The following PACS2 variants were observed in gnomAD, a reference collection of about 807,000 sequenced individuals.
The protein encoded by PACS2 is phosphofurin acidic cluster sorting protein 2, also known as PACS1-like protein.
PACS2 carries 36 observed loss-of-function variants against 113.0 expected under a neutral mutation model. That is an observed-to-expected ratio of 0.32 (90% CI 0.24 to 0.42). The LOEUF is 0.42. Ranked by LOEUF, PACS2 falls within the 10% of genes least tolerant of loss-of-function variation. PACS2 has a pLI of 1.00. For synonymous variants in PACS2, 589 were observed against 536.1 expected (o/e 1.10, Z -1.36); for missense variants, 1,015 against 1,239.5 (o/e 0.82, Z 2.72).
Position 105,380,941 on chromosome 14 carries a change from C to A in PACS2, c.1126-16C>A, listed in dbSNP as rs782427298. On this transcript the variant is annotated splice_polypyrimidine_tract_variant and intron_variant, in intron 11 of 24. Coordinates refer to ENST00000447393, the MANE Select transcript of PACS2 (RefSeq NM_001100913.3). Reference sequence around the variant, plus strand: ...TGGTTTCCACGGGAGGCTCCAGGCCCGTCTCTGCTCAGCAGGGTGTGCCAG... The same window carrying A: ...TGGTTTCCACGGGAGGCTCCAGGCCAGTCTCTGCTCAGCAGGGTGTGCCAG... 2 of 1,603,252 alleles carry A rather than the reference C, an allele frequency of 1.2e-6. No homozygotes were observed. Among genetic ancestry groups the A allele is most frequent in the South Asian group, 1.1e-5 (1 of 89,810 alleles).
intron 15 of PACS2, 138 bp downstream of exon 15, chr14:105,383,051 C>G (rs587612800): frequency 3.1e-6 from 2 of 639,826 alleles, no homozygotes; most frequent in Admixed American, 5.0e-5. Flanking sequence ...CTGACCCATG[C>G]GCTCTTCGCA....
chr14:105,387,280 C>T (rs1555413799), intron 19 of PACS2, among the ~76,000 whole-genome samples: 5 of 152,216 alleles, frequency 3.3e-5, no homozygotes, highest in Non-Finnish European at 4.4e-5. Context: ...GAGAGTCCCT[C>T]GTGAGGTGAC....
At chr14:105,341,897 G>A (rs1179947183) in intron 1 of PACS2, among the ~76,000 whole-genome samples, 3 of 152,194 alleles carry the variant, frequency 2.0e-5, no homozygotes, top group Non-Finnish European at 4.4e-5. Flanking sequence ...CCTTCTAAGT[G>A]TGCGGAGAGG....
intron 24 of PACS2, 145 bp downstream of exon 24, chr14:105,393,480 G>C (rs2081432013): frequency 5.7e-6 from 3 of 526,702 alleles, no homozygotes; most frequent in African/African-American, 2.0e-5. Flanking sequence ...ATTCGATGAA[G>C]CCCTCAGTGA....
chr14:105,347,989 A>C (rs1405206828), intron 1 of PACS2, among the ~76,000 whole-genome samples: 3 of 151,938 alleles, frequency 2.0e-5, no homozygotes, highest in African/African-American at 7.2e-5. Context: ...TCAGGACGGA[A>C]TGATGGAGGT....
At position 105,396,314 on chromosome 14, in the gene PACS2, G is replaced by C. The variant is rs2081526941; in HGVS notation, c.*1642G>C. 6.6e-6 allele frequency: 1 copy of C among 152,208 alleles called. No homozygotes were observed. Among genetic ancestry groups the C allele is most frequent in the Non-Finnish European group, 1.5e-5 (1 of 68,104 alleles). The allele number at this position is 152,208 out of a possible 1,614,324, so 9.4% of individuals were successfully genotyped here. ...GGGCACACCCCAGGGTGGGGGAGAG[G>C]GTAGGAAGGTCTCCCATTGAATCCT... On this transcript the variant is annotated 3_prime_UTR_variant, in exon 25 of 25. Transcript: ENST00000447393.
intron 8 of PACS2, among the ~76,000 whole-genome samples, chr14:105,373,755 T>A (rs918823912): frequency 1.4e-4 from 21 of 151,366 alleles, no homozygotes; most frequent in African/African-American, 5.1e-4. Flanking sequence ...GCCATTGCAC[T>A]CCACCTGGGC....
At chr14:105,368,049 T>A in intron 5 of PACS2, 25 bp from the exon 6 acceptor site, 1 of 1,527,122 alleles carries the variant, frequency 6.5e-7, no homozygotes, top group Non-Finnish European at 9.1e-7. Flanking sequence ...CACGGCACCC[T>A]CCCTTCTGTC....
rs1373444301 is a variant in PACS2, at chr14:105,397,125, G to C, written c.*2453G>C. ...TCTGCCCTGCACCCAGGAGCCCCAC[G>C]GTCCATCCCCCACACCATGCCCAGC... On this transcript the variant is annotated 3_prime_UTR_variant, in exon 25 of 25. Coordinates refer to ENST00000447393, the MANE Select transcript of PACS2 (RefSeq NM_001100913.3). The C allele has an allele frequency of 6.6e-6, 1 of 152,236 alleles. No homozygotes were observed. The highest frequency in any genetic ancestry group is 2.4e-5 in the African/African-American group (1 of 41,420). The allele number at this position is 152,236 out of a possible 1,614,324, so 9.4% of individuals were successfully genotyped here.
chr14:105,306,617 T>G (rs1225357689), intron 1 of PACS2, among the ~76,000 whole-genome samples: 1 of 151,732 alleles, frequency 6.6e-6, no homozygotes, highest in Non-Finnish European at 1.5e-5. Context: ...TTTTGGGGGT[T>G]TTTTTTGAGA....
rs587737829 is a variant in PACS2 at position 105,394,350 on chromosome 14, C to T, written c.2597-204C>T. 1.9e-5 allele frequency: 19 copies of T among 985,322 alleles called. No homozygotes were observed. In the South Asian group the frequency reaches 8.5e-4, roughly 44 times the overall value. 61.0% of individuals were successfully genotyped at this position (985,322 alleles called of 1,614,324 possible). A position where few individuals can be genotyped will look rare whatever the true frequency, so the allele number is the denominator to read the frequency against. On this transcript the variant is annotated intron_variant, in intron 24 of 24. Coordinates refer to ENST00000447393, the MANE Select transcript of PACS2 (RefSeq NM_001100913.3). The stretch of plus-strand genomic sequence containing the variant: ...CCCCCAGGGCTCTGAGTGTGGAGGG[C>T]AGGGGCAGGAATGGCGTCCCTCAGG...
chr14:105,373,932 A>C lies in PACS2; in HGVS notation c.802-2836A>C, dbSNP rs183591934. Among the ~76,000 whole-genome samples the C allele has an allele frequency of 2.0e-5, 3 of 152,260 alleles. No homozygotes were observed. In the East Asian group the frequency reaches 5.8e-4, roughly 29 times the overall value. On this transcript the variant is annotated intron_variant, in intron 8 of 24. Transcript: ENST00000447393. Reference sequence around the variant, plus strand: ...GCTTGAGGCTCAAGTGACCCGGATCACTTGAGGTCAGGAGATCGAAACCAG... The same window carrying C: ...GCTTGAGGCTCAAGTGACCCGGATCCCTTGAGGTCAGGAGATCGAAACCAG...
intron 8 of PACS2, 76 bp downstream of exon 8, chr14:105,369,976 T>C: frequency 7.9e-7 from 1 of 1,261,172 alleles, no homozygotes; most frequent in Non-Finnish European, 1.1e-6. Context: ...CTCTGGGGTC[T>C]GTCTCCGGGC....
intron 1 of PACS2, among the ~76,000 whole-genome samples, chr14:105,304,535 T>G (rs1409074370): frequency 6.6e-6 from 1 of 152,186 alleles, no homozygotes; most frequent in Admixed American, 6.5e-5. Context: ...AGGGTGAGGC[T>G]CTACTGGGCA....
chr14:105,349,699 C>A (rs781783468), intron 2 of PACS2, among the ~76,000 whole-genome samples: 1 of 152,268 alleles, frequency 6.6e-6, no homozygotes, highest in African/African-American at 2.4e-5. Flanking sequence ...CCCTTTTCCT[C>A]GCTGAACATG....
At chr14:105,313,640 T>A (rs2140724803), upstream of PACS2, among the ~76,000 whole-genome samples, 1 of 152,334 alleles carries the variant, frequency 6.6e-6, no homozygotes, top group Non-Finnish European at 1.5e-5. Context: ...GCAAGCCCCG[T>A]GGGCCAGGAA....
At chr14:105,304,739 A>C (rs1240388131) in intron 1 of PACS2, among the ~76,000 whole-genome samples, 1 of 152,266 alleles carries the variant, frequency 6.6e-6, no homozygotes, top group African/African-American at 2.4e-5. Flanking sequence ...AGGCCTCACA[A>C]TCATGGAGGA....
At chr14:105,313,403 A>G (rs1702344410), upstream of PACS2, among the ~76,000 whole-genome samples, 1 of 152,210 alleles carries the variant, frequency 6.6e-6, no homozygotes, top group South Asian at 2.1e-4. Context: ...GCAGCTGGCC[A>G]AGGTCAGACA....
chr14:105,373,310 A>G (rs2061226513), intron 8 of PACS2, among the ~76,000 whole-genome samples: 1 of 152,254 alleles, frequency 6.6e-6, no homozygotes, highest in South Asian at 2.1e-4. Context: ...CCCAATTTCA[A>G]AATGTACTAC....
Sources: allele counts gnomAD v4.1 joint callset (sites outside exome capture counted in the v4.1 genomes callset), GRCh38; gene constraint gnomAD v4.1.1; transcripts MANE v1.5; gene names NCBI Gene and HGNC (gene_info 2026-07-23, HGNC 2026-07-21).